The following SEPTIN6 variants were observed in gnomAD, a reference collection of about 807,000 sequenced individuals.
The protein encoded by SEPTIN6 is septin 6.
Under a neutral mutation model 33.6 loss-of-function variants are expected in SEPTIN6, and 8 were observed. The observed-to-expected ratio is 0.24, with a 90% confidence interval of 0.14 to 0.43. The LOEUF is 0.43. Ranked by LOEUF, SEPTIN6 falls within the 20% of genes least tolerant of loss-of-function variation. The pLI is 1.00. For missense variants in SEPTIN6, 250 were observed against 340.8 expected (o/e 0.73, Z 2.10); for synonymous variants, 131 against 140.0 (o/e 0.94, Z 0.45).
chrX:119,678,668 G>A (rs112312444), intron 1 of SEPTIN6, among the ~76,000 whole-genome samples: 4 of 111,695 alleles, frequency 3.6e-5, no homozygotes, highest in Non-Finnish European at 7.5e-5. Context: ...GATTCCCACT[G>A]CTAGTTCTTG....
At chrX:119,663,935 C>T (rs2054589592) in intron 2 of SEPTIN6, among the ~76,000 whole-genome samples, 1 of 111,312 alleles carries the variant, frequency 9.0e-6, no homozygotes, top group African/African-American at 3.3e-5. Context: ...TTTTTTCTGT[C>T]ATTTGGAAAT....
intron 1 of SEPTIN6, among the ~76,000 whole-genome samples, chrX:119,692,325 T>A (rs2055187574): frequency 9.3e-6 from 1 of 107,059 alleles, no homozygotes; most frequent in Admixed American, 1.0e-4. Context: ...GCCAGCCAAC[T>A]GCACCCCACA....
chrX:119,657,774 A>G (rs982921921), intron 3 of SEPTIN6, among the ~76,000 whole-genome samples: 5 of 111,500 alleles, frequency 4.5e-5, no homozygotes, highest in African/African-American at 1.6e-4. Flanking sequence ...TGGCCCCACA[A>G]AGTGTTGGGA....
chrX:119,656,012 A>C (rs1268166419), intron 3 of SEPTIN6, among the ~76,000 whole-genome samples: 1 of 112,196 alleles, frequency 8.9e-6, no homozygotes, highest in Non-Finnish European at 1.9e-5. Context: ...AAATTCTGGT[A>C]ATTATTAAGC....
chrX:119,623,563 C>A (rs1011501646), intron 10 of SEPTIN6, among the ~76,000 whole-genome samples: 2 of 112,003 alleles, frequency 1.8e-5, no homozygotes, highest in Non-Finnish European at 3.8e-5. Flanking sequence ...CTTCATCGGG[C>A]GCGGTGGCTC....
chrX:119,620,381 C>CAT (rs2053730253), intron 10 of SEPTIN6, among the ~76,000 whole-genome samples: 1 of 99,106 alleles, frequency 1.0e-5, no homozygotes, highest in Non-Finnish European at 2.0e-5. Context: ...TGCAGTGGTG[C>CAT]GATCTCGGCT....
At chrX:119,616,456 C>G, downstream of SEPTIN6, 2 of 464,129 alleles carry the variant, frequency 4.3e-6, no homozygotes. Context: ...TCTGAGGTTA[C>G]ATTTCGTCCA....
chrX:119,625,266 G>T, intron 10 of SEPTIN6, 69 bp downstream of exon 10: 1 of 715,354 alleles, frequency 1.4e-6, no homozygotes, highest in Non-Finnish European at 2.2e-6. Context: ...CTTGTGTTGG[G>T]GGTGCGGGAT....
Position 119,619,938 on chromosome X carries a change from AGAG to A in SEPTIN6, c.*152_*154del. On this transcript the variant is annotated 3_prime_UTR_variant, in exon 11 of 11. Coordinates refer to ENST00000394610, the MANE Select transcript of SEPTIN6 (RefSeq NM_145799.4). ...GGTTTCTATAAACCTTGGCAGGAAG[AGAG>A]GAGAGGGCGCGGGTTGGATTGTATG... 15 of 1,170,072 alleles carry A rather than the reference AGAG, an allele frequency of 1.3e-5. No individual in the cohort carries two copies. The highest frequency in any genetic ancestry group is 1.7e-5 in the Non-Finnish European group (15 of 879,051).
chrX:119,672,504 C>T (rs187496638), intron 2 of SEPTIN6, among the ~76,000 whole-genome samples: 8 of 111,990 alleles, frequency 7.1e-5, no homozygotes, highest in Non-Finnish European at 1.9e-5. Flanking sequence ...GGCCTCCCTC[C>T]TAAAGCTTTA....
In SEPTIN6 at chrX:119,656,587, C is replaced by T. The variant is rs1416083509; in HGVS notation, c.342-3547G>A. ...ACCCAAATGTCCATCAACTGATGAC[C>T]GGATAAAGAAAATGTGGAGGCCAGG... On this transcript the variant is annotated intron_variant, in intron 3 of 10. Transcript: ENST00000394610. Among the ~76,000 whole-genome samples the T allele has an allele frequency of 4.4e-5, 5 of 112,421 alleles. No individual in the cohort carries two copies. In the South Asian group the frequency reaches 1.8e-3, roughly 41 times the overall value.
Position 119,644,950 on chromosome X carries a change from C to T in SEPTIN6, c.691-4162G>A, listed in dbSNP as rs187716058. Among the ~76,000 whole-genome samples the T allele has an allele frequency of 2.0e-3, 215 of 107,381 alleles. 2 individuals are homozygous for T. The highest frequency in any genetic ancestry group is 0.02 in the Admixed American group (197 of 10,078). 93.2% of individuals were successfully genotyped at this position (107,381 alleles called of 115,157 possible). A position where few individuals can be genotyped will look rare whatever the true frequency, so the allele number is the denominator to read the frequency against. The stretch of plus-strand genomic sequence containing the variant: ...AGATGAGAGTTTCGCTCTTGTTGCC[C>T]AGGCTGGAGTGCAATGGCACGATCT... On this transcript the variant is annotated intron_variant, in intron 5 of 10. Transcript: ENST00000394610.
intron 5 of SEPTIN6, among the ~76,000 whole-genome samples, chrX:119,644,973 TCTCGG>T (rs2054223380): frequency 9.5e-6 from 1 of 105,719 alleles, no homozygotes; most frequent in Admixed American, 1.0e-4. Flanking sequence ...AATGGCACGA[TCTCGG>T]CTCACTGCAA....
intron 3 of SEPTIN6, among the ~76,000 whole-genome samples, chrX:119,663,248 T>C (rs901999023): frequency 9.0e-6 from 1 of 111,677 alleles, no homozygotes; most frequent in Non-Finnish European, 1.9e-5. Context: ...ACCTGACCCA[T>C]GTATACTAGA....
rs185387100 is a variant in SEPTIN6, at chrX:119,621,650, C to T, written c.*42-1599G>A. The stretch of plus-strand genomic sequence containing the variant: ...GGGATTATAGGCACCCGCCACCATG[C>T]CCAGCTAATTTTTGTATTTTTAGTA... On this transcript the variant is annotated intron_variant, in intron 10 of 10. Transcript: ENST00000394610. Among the ~76,000 whole-genome samples the T allele has an allele frequency of 9.5e-3, 1,037 of 109,051 alleles. 12 individuals carry two copies. The highest frequency in any genetic ancestry group is 0.019 in the Middle Eastern group (4 of 212). 94.7% of individuals were successfully genotyped at this position (109,051 alleles called of 115,157 possible).
At chrX:119,621,707 G>A in intron 10 of SEPTIN6, among the ~76,000 whole-genome samples, 1 of 108,092 alleles carries the variant, frequency 9.3e-6, no homozygotes. Flanking sequence ...GGCCAGGCTG[G>A]TATTGAACTC....
intron 1 of SEPTIN6, among the ~76,000 whole-genome samples, chrX:119,680,652 C>T (rs1287183484): frequency 9.0e-6 from 1 of 111,205 alleles, no homozygotes; most frequent in Admixed American, 9.6e-5. Context: ...AAGCAGCAAA[C>T]TTTTTGTCTC....
chrX:119,642,083 C>T (rs1436918808), intron 5 of SEPTIN6, among the ~76,000 whole-genome samples: 2 of 105,784 alleles, frequency 1.9e-5, no homozygotes, highest in Admixed American at 2.1e-4. Flanking sequence ...AACGATCATA[C>T]AGGAAGATCA....
In SEPTIN6 at chrX:119,645,363, C is replaced by T. The variant is rs112486833; in HGVS notation, c.690+4574G>A. ...AAGTGATCCTCCTGCCTCAGCCTCC[C>T]GAGTAGCTGAGACTACAGGTGTGTG... On this transcript the variant is annotated intron_variant, in intron 5 of 10. Coordinates refer to ENST00000394610, the MANE Select transcript of SEPTIN6 (RefSeq NM_145799.4). 2.3e-3 allele frequency among the ~76,000 whole-genome samples: 242 copies of T among 105,994 alleles called. 1 individual carries two copies. The highest frequency in any genetic ancestry group is 8.1e-3 in the African/African-American group (233 of 28,741). The allele number at this position is 105,994 out of a possible 115,157, so 92.0% of individuals were successfully genotyped here.
Sources: gnomAD v4.1 joint callset for allele counts (sites outside exome capture counted in the v4.1 genomes callset) on GRCh38, gnomAD v4.1.1 for gene constraint, MANE v1.5 for transcripts, NCBI Gene and HGNC (gene_info 2026-07-23, HGNC 2026-07-21) for gene names.